DGKB: variants seen among roughly 807,000 people sequenced by gnomAD.
The protein encoded by DGKB is diacylglycerol kinase beta.
Under a neutral mutation model 114.3 loss-of-function variants are expected in DGKB, and 67 were observed. The observed-to-expected ratio is 0.59, with a 90% CI of 0.48 to 0.72. DGKB has a LOEUF of 0.72. DGKB is among the 30% of genes least tolerant of loss of function. DGKB has a pLI of 0.00. For synonymous variants in DGKB, 398 were observed against 323.1 expected (o/e 1.23, Z -2.49); for missense variants, 907 against 975.2 (o/e 0.93, Z 0.93).
intron 20 of DGKB, among the ~76,000 whole-genome samples, chr7:14,502,126 T>C (rs1429651457): frequency 6.6e-6 from 1 of 151,952 alleles, no homozygotes; most frequent in Non-Finnish European, 1.5e-5. Context: ...GATGTGGGCT[T>C]GACTAACAGA....
intron 13 of DGKB, among the ~76,000 whole-genome samples, chr7:14,646,036 G>A (rs1210909118): frequency 2.0e-5 from 3 of 152,114 alleles, no homozygotes; most frequent in African/African-American, 7.2e-5. Context: ...CAACAACTAT[G>A]AAGAGGTTTA....
At chr7:14,474,139 T>G (rs1006334072) in intron 21 of DGKB, among the ~76,000 whole-genome samples, 10 of 152,190 alleles carry the variant, frequency 6.6e-5, no homozygotes, top group African/African-American at 2.2e-4. Flanking sequence ...TCAAATATCA[T>G]CTTGAATTTC....
intron 2 of DGKB, among the ~76,000 whole-genome samples, chr7:14,769,228 GAGAAAGAAAGAAAGAAAGAAAGAA>G (rs371117893): frequency 2.8e-4 from 34 of 119,596 alleles, no homozygotes; most frequent in African/African-American, 1.0e-3. Context: ...GAAAGAGAGA[GAGAAAGAAAGAAAGAAAGAAAGAA>G]AGAAAGAAAG....
chr7:14,884,290 C>T (rs1854680772), intron 1 of DGKB, among the ~76,000 whole-genome samples: 1 of 151,872 alleles, frequency 6.6e-6, no homozygotes, highest in Non-Finnish European at 1.5e-5. Flanking sequence ...ATACTATATC[C>T]ATTATTGAAA....
At chr7:14,881,189 ATGT>A (rs1043806602) in intron 1 of DGKB, among the ~76,000 whole-genome samples, 2 of 152,116 alleles carry the variant, frequency 1.3e-5, no homozygotes, top group African/African-American at 2.4e-5. Flanking sequence ...TTGGCTTATA[ATGT>A]TGTTGTTGGT....
chr7:14,758,922 TA>T (rs1458761451), intron 2 of DGKB, among the ~76,000 whole-genome samples: 16 of 149,510 alleles, frequency 1.1e-4, no homozygotes, highest in African/African-American at 3.8e-4. Context: ...GATAGATAGA[TA>T]GATAGATAGA....
chr7:14,298,109 T>A (rs2128483094), intron 23 of DGKB, among the ~76,000 whole-genome samples: 1 of 152,286 alleles, frequency 6.6e-6, no homozygotes, highest in African/African-American at 2.4e-5. Context: ...AGAATCAATA[T>A]TGTGAAAATG....
intron 23 of DGKB, among the ~76,000 whole-genome samples, chr7:14,331,061 A>T (rs572767050): frequency 2.0e-5 from 3 of 152,040 alleles, no homozygotes; most frequent in Non-Finnish European, 2.9e-5. Context: ...ATTTAACAGC[A>T]ATTTTGATAT....
At chr7:14,669,311 C>A (rs1301275899) in intron 13 of DGKB, among the ~76,000 whole-genome samples, 4 of 152,150 alleles carry the variant, frequency 2.6e-5, no homozygotes, top group African/African-American at 9.7e-5. Flanking sequence ...CCTAAATTGT[C>A]CCACCCAATA....
In DGKB at chr7:14,889,172, T is replaced by A. The variant is rs570853885; in HGVS notation, c.-188+13420A>T. Among the ~76,000 whole-genome samples, 19 of 151,738 alleles carry A rather than the reference T, an allele frequency of 1.3e-4. No individual in the cohort carries two copies. The South Asian group carries it at 3.9e-3, about 32-fold the overall frequency. ...TTACTATCATATCAGCAAATTATCC[T>A]TGTGAAGAATAAACACAAGATTAAG... On this transcript the variant is annotated intron_variant, in intron 1 of 25. Coordinates refer to ENST00000402815, the MANE Select transcript of DGKB (RefSeq NM_001350709.2).
At chr7:14,607,535 A>C in intron 16 of DGKB, 27 bp from the exon 17 acceptor site, 1 of 1,063,212 alleles carries the variant, frequency 9.4e-7, no homozygotes, top group Non-Finnish European at 1.5e-6. Flanking sequence ...GTGGGGAAAA[A>C]ATTTAATAAT....
intron 2 of DGKB, among the ~76,000 whole-genome samples, chr7:14,810,333 G>T (rs977921340): frequency 6.6e-6 from 1 of 151,980 alleles, no homozygotes; most frequent in Non-Finnish European, 1.5e-5. Flanking sequence ...ATTGGATCTT[G>T]GTTTAAACTT....
At chr7:14,382,874 G>C (rs548448009) in intron 21 of DGKB, among the ~76,000 whole-genome samples, 1 of 152,208 alleles carries the variant, frequency 6.6e-6, no homozygotes, top group African/African-American at 2.4e-5. Context: ...ATGGTGCCCA[G>C]TGGGCAGCAA....
intron 23 of DGKB, among the ~76,000 whole-genome samples, chr7:14,203,577 A>G (rs1786256605): frequency 6.6e-6 from 1 of 151,978 alleles, no homozygotes; most frequent in Admixed American, 6.6e-5. Context: ...AAGCCAGTGC[A>G]TGCATGCAGT....
chr7:14,524,443 A>G (rs4719409), intron 20 of DGKB, among the ~76,000 whole-genome samples: 51,091 of 152,102 alleles, frequency 0.34, 9,227 homozygotes, highest in Admixed American at 0.44. Context: ...TAGTCTGTTC[A>G]TTAAACTATT....
intron 1 of DGKB, among the ~76,000 whole-genome samples, chr7:14,843,317 T>C (rs1848193275): frequency 1.7e-4 from 1 of 6,020 alleles, no homozygotes; most frequent in African/African-American, 2.4e-3. Context: ...TTTAATAACT[T>C]TTTTTTTTTT....
At chr7:14,246,105 G>A (rs919548129) in intron 23 of DGKB, among the ~76,000 whole-genome samples, 4 of 152,088 alleles carry the variant, frequency 2.6e-5, no homozygotes, top group African/African-American at 7.2e-5. Flanking sequence ...GGACATTTCT[G>A]TACTGGTTTG....
chr7:14,925,756 C>T (rs1362627530), intron 1 of DGKB, among the ~76,000 whole-genome samples: 1 of 152,062 alleles, frequency 6.6e-6, no homozygotes, highest in African/African-American at 2.4e-5. Context: ...CATCCTATAA[C>T]CTTGCAAAAT....
intron 9 of DGKB, among the ~76,000 whole-genome samples, chr7:14,686,104 T>G (rs984288205): frequency 6.6e-6 from 1 of 152,200 alleles, no homozygotes; most frequent in Non-Finnish European, 1.5e-5. Flanking sequence ...TATTTTTATT[T>G]ATAACAATCA....
Sources: gnomAD v4.1 joint callset for allele counts (sites outside exome capture counted in the v4.1 genomes callset) on GRCh38, gnomAD v4.1.1 for gene constraint, MANE v1.5 for transcripts, NCBI Gene and HGNC (gene_info 2026-07-23, HGNC 2026-07-21) for gene names.